RBFOX3: variants seen among roughly 807,000 people sequenced by gnomAD.
RBFOX3 encodes the protein RNA binding protein fox-1 homolog 3.
In RBFOX3, 17 loss-of-function variants were observed where a neutral mutation model predicts 48.7. The observed-to-expected ratio is 0.35, with a 90% CI of 0.24 to 0.52. The LOEUF (loss-of-function observed/expected upper bound fraction) is 0.52. RBFOX3 is among the 20% of genes least tolerant of loss of function. The pLI, the probability that RBFOX3 is intolerant of heterozygous loss-of-function variation, is 0.94. For synonymous variants in RBFOX3, 212 were observed against 209.5 expected, an observed-to-expected ratio of 1.01 and a Z score of -0.10; for missense variants, 382 against 497.5, an observed-to-expected ratio of 0.77 and a Z score of 2.21.
At position 79,097,508 on chromosome 17, in the gene RBFOX3, G is replaced by T. The variant is rs962781761; in HGVS notation, c.623-84C>A. ...CCCTCCCCGTACACCTAGCCCCCCC[G>T]CGCACCTAGCCCCCAACCCCTCCCC... On this transcript the variant is annotated intron_variant, in intron 10 of 14. Coordinates refer to ENST00000693108, the MANE Select transcript of RBFOX3 (RefSeq NM_001350451.2). 417 of 777,232 alleles carry T rather than the reference G, an allele frequency of 5.4e-4. 3 individuals carry two copies. Among genetic ancestry groups the T allele is most frequent in the Middle Eastern group, 5.4e-4 (1 of 1,836 alleles). The allele number at this position is 777,232 out of a possible 1,614,324, so 48.1% of individuals were successfully genotyped here. A position where few individuals can be genotyped will look rare whatever the true frequency, so the allele number is the denominator to read the frequency against.
chr17:79,132,985 T>TTTCACACAC (rs1737717819), intron 4 of RBFOX3, among the ~76,000 whole-genome samples: 1 of 152,128 alleles, frequency 6.6e-6, no homozygotes, highest in African/African-American at 2.4e-5. Flanking sequence ...CTGCTCTCCA[T>TTTCACACAC]TTCACACACG....
intron 1 of RBFOX3, among the ~76,000 whole-genome samples, chr17:79,537,400 T>C (rs79252516): frequency 0.021 from 3,185 of 152,260 alleles, 71 homozygotes; most frequent in African/African-American, 0.048. Flanking sequence ...TCATCTTAAC[T>C]TGATGAAATC....
At chr17:79,395,582 TG>T (rs1480791220) in intron 2 of RBFOX3, among the ~76,000 whole-genome samples, 1 of 152,214 alleles carries the variant, frequency 6.6e-6, no homozygotes, top group African/African-American at 2.4e-5. Flanking sequence ...TCACACTGGA[TG>T]GTGACAGCTG....
chr17:79,491,174 G>A (rs1598919123), intron 1 of RBFOX3, among the ~76,000 whole-genome samples: 1 of 61,784 alleles, frequency 1.6e-5, no homozygotes, highest in African/African-American at 7.5e-5. Context: ...GAGGGGAGGA[G>A]AGGGGAGGGG....
chr17:79,290,441 G>A (rs1220554408), intron 3 of RBFOX3, among the ~76,000 whole-genome samples: 1 of 151,858 alleles, frequency 6.6e-6, no homozygotes, highest in Non-Finnish European at 1.5e-5. Flanking sequence ...CTGTGACGGT[G>A]TCATGGGCTT....
intron 2 of RBFOX3, among the ~76,000 whole-genome samples, chr17:79,380,195 G>T (rs559670501): frequency 4.2e-4 from 59 of 141,730 alleles, no homozygotes; most frequent in Admixed American, 9.1e-4. Flanking sequence ...TCCCCCCCTT[G>T]CCACCCCTCC....
chr17:79,263,257 C>T (rs554264231), intron 3 of RBFOX3, among the ~76,000 whole-genome samples: 2 of 152,386 alleles, frequency 1.3e-5, no homozygotes, highest in African/African-American at 2.4e-5. Flanking sequence ...GCAAACTTTT[C>T]GTGATTTCTG....
chr17:79,140,287 T>C (rs1227760384), intron 4 of RBFOX3, among the ~76,000 whole-genome samples: 2 of 152,228 alleles, frequency 1.3e-5, no homozygotes, highest in Admixed American at 6.5e-5. Context: ...GCTCAGCTCA[T>C]CTCTGAGCCC....
chr17:79,115,418 C>T, intron 5 of RBFOX3, 76 bp downstream of exon 5: 1 of 991,940 alleles, frequency 1.0e-6, no homozygotes, highest in Non-Finnish European at 1.3e-6. Flanking sequence ...TCATGCCCTT[C>T]TGGGCCACCC....
intron 1 of RBFOX3, among the ~76,000 whole-genome samples, chr17:79,555,290 T>G (rs919792751): frequency 2.0e-5 from 3 of 151,610 alleles, no homozygotes; most frequent in Non-Finnish European, 2.9e-5. Flanking sequence ...GTAGTGGTGG[T>G]GATGGTGGTG....
In RBFOX3 at chr17:79,298,617, G is replaced by T. The variant is rs569718889; in HGVS notation, c.-74+9107C>A. On this transcript the variant is annotated intron_variant, in intron 3 of 14. Coordinates refer to ENST00000693108, the MANE Select transcript of RBFOX3 (RefSeq NM_001350451.2). Reference sequence around the variant, plus strand: ...CACACCAGGAGAACAGCAGGGCATTGCAGCCCCAGAACCTGCCGAGGAAGC... The same window carrying T: ...CACACCAGGAGAACAGCAGGGCATTTCAGCCCCAGAACCTGCCGAGGAAGC... 5.4e-4 allele frequency among the ~76,000 whole-genome samples: 83 copies of T among 152,306 alleles called. 1 individual carries two copies. The Middle Eastern group carries it at 0.01, about 19-fold the overall frequency.
chr17:79,174,002 G>A (rs2049960223), intron 4 of RBFOX3, among the ~76,000 whole-genome samples: 1 of 152,040 alleles, frequency 6.6e-6, no homozygotes, highest in African/African-American at 2.4e-5. Flanking sequence ...TGCTTCCCCT[G>A]AATTTGTTGG....
chr17:79,465,671 C>G (rs782149944), intron 2 of RBFOX3, among the ~76,000 whole-genome samples: 73 of 152,340 alleles, frequency 4.8e-4, no homozygotes, highest in Middle Eastern at 3.4e-3. Context: ...GAGGAGCAGC[C>G]CCGTGGCCAG....
chr17:79,348,564 T>C (rs947710371), intron 2 of RBFOX3, among the ~76,000 whole-genome samples: 7 of 144,676 alleles, frequency 4.8e-5, no homozygotes, highest in Admixed American at 2.3e-4. Context: ...CAATTTCTTT[T>C]CTTTTCCTTT....
At chr17:79,255,210 G>A (rs2064579986) in intron 3 of RBFOX3, among the ~76,000 whole-genome samples, 1 of 143,888 alleles carries the variant, frequency 6.9e-6, no homozygotes, top group South Asian at 2.3e-4. Context: ...TGGCCCTGTG[G>A]TCACATGTGT....
In RBFOX3 at chr17:79,198,442, A is replaced by G. The variant is rs1222739630; in HGVS notation, c.-34+37324T>C. 6.6e-6 allele frequency among the ~76,000 whole-genome samples: 1 copy of G among 152,226 alleles called. No individual in the cohort carries two copies. Among genetic ancestry groups the G allele is most frequent in the African/African-American group, 2.4e-5 (1 of 41,452 alleles). On this transcript the variant is annotated intron_variant, in intron 4 of 14. Coordinates refer to ENST00000693108, the MANE Select transcript of RBFOX3 (RefSeq NM_001350451.2). The surrounding 1 kb of genome is among the most constrained non-coding windows in gnomAD (Gnocchi z 8.2). ...GCATCTGTGTCCCGCCTGCCAGCTC[A>G]TGGAGAAAGTTCACAAATGTCACCT...
intron 4 of RBFOX3, among the ~76,000 whole-genome samples, chr17:79,207,479 G>A (rs1005293786): frequency 4.6e-5 from 7 of 152,192 alleles, no homozygotes; most frequent in Non-Finnish European, 1.0e-4. Context: ...TGTTCCCAGC[G>A]TGGCACCAGG....
rs577278465 is a variant in RBFOX3 at position 79,488,926 on chromosome 17, T to C, written c.-319-6328A>G. ...GAAAGAGCCATTTAGGGACATAGCATAGGGGACTCTGAGACCAGGGGCTCC... is the reference window on the plus strand; with the variant it reads ...GAAAGAGCCATTTAGGGACATAGCACAGGGGACTCTGAGACCAGGGGCTCC... On this transcript the variant is annotated intron_variant, in intron 1 of 14. Transcript: ENST00000693108. 2.6e-5 allele frequency among the ~76,000 whole-genome samples: 4 copies of C among 152,220 alleles called. No individual in the cohort carries two copies. In the South Asian group the frequency reaches 8.3e-4, roughly 32 times the overall value.
intron 1 of RBFOX3, among the ~76,000 whole-genome samples, chr17:79,505,320 T>C (rs1231917995): frequency 6.6e-6 from 1 of 152,048 alleles, no homozygotes; most frequent in Non-Finnish European, 1.5e-5. Flanking sequence ...GGGTCCAGAG[T>C]ACCCCTGGAG....
Sources: gnomAD v4.1 joint callset for allele counts (sites outside exome capture counted in the v4.1 genomes callset) on GRCh38, gnomAD v4.1.1 for gene constraint, Gnocchi (gnomAD v3.1) non-coding constraint, MANE v1.5 for transcripts, NCBI Gene and HGNC (gene_info 2026-07-23, HGNC 2026-07-21) for gene names.